The following PVT1 variants were observed in gnomAD, a reference collection of about 807,000 sequenced individuals.
PVT1 encodes Pvt1 oncogene, also known as CXCR4/PVT1 fusion.
chr8:127,882,651 T>C (rs1815481280), intron 2 of PVT1, among the ~76,000 whole-genome samples: 1 of 152,052 alleles, frequency 6.6e-6, no homozygotes, highest in Non-Finnish European at 1.5e-5. Flanking sequence ...GCCCAGCTAA[T>C]TTTTGTATTT....
chr8:127,914,260 CAAAAAAAAAAAAAAAAAAAAAAAAAA>C (rs60359946), intron 3 of PVT1, among the ~76,000 whole-genome samples: 19 of 47,862 alleles, frequency 4.0e-4, no homozygotes, highest in African/African-American at 9.1e-4. Flanking sequence ...CCACCAACAG[CAAAAAAAAAAAAAAAAAAAAAAAAAA>C]AAAAAAAAAA....
At chr8:127,873,955 C>T (rs1815378628) in intron 2 of PVT1, among the ~76,000 whole-genome samples, 1 of 152,312 alleles carries the variant, frequency 6.6e-6, no homozygotes. Flanking sequence ...TAATTGAGCA[C>T]CACTAGCTGC....
chr8:127,873,440 GA>G (rs1163892403), intron 2 of PVT1, among the ~76,000 whole-genome samples: 1 of 152,164 alleles, frequency 6.6e-6, no homozygotes, highest in Non-Finnish European at 1.5e-5. Context: ...CTTGGCTGCT[GA>G]AAAATCATCA....
chr8:127,853,510 A>G lies in PVT1; in HGVS notation n.373-37079A>G, dbSNP rs149665763. Among the ~76,000 whole-genome samples, 740 of 152,184 alleles carry G rather than the reference A, an allele frequency of 4.9e-3. 5 individuals are homozygous for G. The highest frequency in any genetic ancestry group is 0.017 in the African/African-American group (695 of 41,542). On this transcript the variant is annotated intron_variant and non_coding_transcript_variant, in intron 2 of 10. Transcript: ENST00000651587. ...AAGTGAATGAGAGGAGCCATGCGTG[A>G]TGGCTCGAGCCTGTAATCCCAGCAC... is the stretch of plus-strand genomic sequence containing the variant.
Position 128,033,065 on chromosome 8 carries a change from G to A in PVT1, n.913-37095G>A, listed in dbSNP as rs75996175. 8.3e-3 allele frequency among the ~76,000 whole-genome samples: 1,266 copies of A among 152,330 alleles called. 9 individuals carry two copies. Among genetic ancestry groups the A allele is most frequent in the Middle Eastern group, 0.017 (5 of 294 alleles). ...AAGACCTGTTTGCACTTGATCACAG[G>A]TGATGTCATCTCAACTGTCCCTCAG... On this transcript the variant is annotated intron_variant and non_coding_transcript_variant, in intron 4 of 10. Transcript: ENST00000651587.
At chr8:127,818,269 C>T (rs908138948) in intron 2 of PVT1, among the ~76,000 whole-genome samples, 2 of 152,264 alleles carry the variant, frequency 1.3e-5, no homozygotes, top group African/African-American at 2.4e-5. Flanking sequence ...TGCCAAGATA[C>T]GCCTTTCAAA....
intron 3 of PVT1, among the ~76,000 whole-genome samples, chr8:127,964,944 G>T (rs931840289): frequency 6.6e-6 from 1 of 152,144 alleles, no homozygotes; most frequent in Non-Finnish European, 1.5e-5. Flanking sequence ...ACAGGCGTGA[G>T]CCCCCACTCC....
At chr8:127,983,216 T>C (rs1473384446) in intron 3 of PVT1, among the ~76,000 whole-genome samples, 1 of 152,192 alleles carries the variant, frequency 6.6e-6, no homozygotes, top group African/African-American at 2.4e-5. Flanking sequence ...AATTATTTCC[T>C]GATGGCCCTG....
chr8:127,937,276 C>CT (rs993917040), intron 3 of PVT1, among the ~76,000 whole-genome samples: 25 of 144,384 alleles, frequency 1.7e-4, no homozygotes, highest in East Asian at 4.1e-4. Context: ...CTTTTCTTTT[C>CT]TTTTTTTTTT....
At chr8:128,016,490 T>C (rs528110040) in intron 4 of PVT1, among the ~76,000 whole-genome samples, 11 of 152,202 alleles carry the variant, frequency 7.2e-5, no homozygotes, top group Non-Finnish European at 1.2e-4. Context: ...TTTGGAAATA[T>C]GTGGTAGACA....
chr8:128,028,320 G>A (rs1026935293), intron 4 of PVT1, among the ~76,000 whole-genome samples: 5 of 152,220 alleles, frequency 3.3e-5, no homozygotes, highest in Non-Finnish European at 5.9e-5. Context: ...CGTTCTCCTC[G>A]GCTGGCATGG....
intron 3 of PVT1, among the ~76,000 whole-genome samples, chr8:127,978,336 T>G (rs975435060): frequency 1.3e-5 from 2 of 151,906 alleles, no homozygotes; most frequent in Admixed American, 1.3e-4. Flanking sequence ...AAAAAATTTT[T>G]TTTTGTAGAG....
intron 2 of PVT1, among the ~76,000 whole-genome samples, chr8:127,819,827 A>G (rs1260030215): frequency 1.3e-5 from 2 of 152,186 alleles, no homozygotes; most frequent in Non-Finnish European, 2.9e-5. Flanking sequence ...TTTCTTTGCC[A>G]AGTAATTCGC....
chr8:127,813,053 A>G (rs1468900392), intron 2 of PVT1, among the ~76,000 whole-genome samples: 2 of 151,276 alleles, frequency 1.3e-5, no homozygotes, highest in Non-Finnish European at 2.9e-5. Flanking sequence ...GCGATATTAA[A>G]ATGGCATTAT....
At chr8:127,818,539 T>C (rs973643666) in intron 2 of PVT1, among the ~76,000 whole-genome samples, 4 of 152,204 alleles carry the variant, frequency 2.6e-5, no homozygotes, top group African/African-American at 9.7e-5. Flanking sequence ...AAATGAGGGC[T>C]CTGCTGGCGT....
At chr8:128,005,413 G>A (rs1670924463) in intron 4 of PVT1, among the ~76,000 whole-genome samples, 1 of 152,178 alleles carries the variant, frequency 6.6e-6, no homozygotes, top group South Asian at 2.1e-4. Flanking sequence ...TGGAGACTGG[G>A]CCAGGTGGGG....
intron 4 of PVT1, chr8:128,008,852 T>C (rs1332304670): frequency 2.3e-5 from 11 of 480,022 alleles, no homozygotes; most frequent in South Asian, 1.4e-4. Context: ...GCCAGGTCCA[T>C]CTAGGAACTA....
chr8:128,098,606 T>A (rs975187153), intron 6 of PVT1, among the ~76,000 whole-genome samples: 2 of 152,202 alleles, frequency 1.3e-5, no homozygotes, highest in South Asian at 4.1e-4. Flanking sequence ...TCACTTTACT[T>A]GTTTTTAAAA....
At chr8:128,046,826 C>A (rs1244719676) in intron 4 of PVT1, among the ~76,000 whole-genome samples, 1 of 152,200 alleles carries the variant, frequency 6.6e-6, no homozygotes, top group East Asian at 1.9e-4. Context: ...GAGTAAGGCC[C>A]TTTCCTTTGT....
Sources: gnomAD v4.1 joint callset for allele counts (sites outside exome capture counted in the v4.1 genomes callset) on GRCh38, gnomAD v4.1.1 for gene constraint, MANE v1.5 for transcripts, NCBI Gene and HGNC (gene_info 2026-07-23, HGNC 2026-07-21) for gene names.